NALCN: variants seen among roughly 807,000 people sequenced by gnomAD.
The protein encoded by NALCN is sodium leak channel NALCN.
In NALCN, 111 loss-of-function variants were observed where a neutral mutation model predicts 225.3. That is an observed-to-expected ratio of 0.49 (90% CI 0.42 to 0.58). The LOEUF is 0.58. Ranked by LOEUF, NALCN falls within the 20% of genes least tolerant of loss-of-function variation. The pLI is 0.00. For missense variants in NALCN, 1,378 were observed against 2,202.4 expected (o/e 0.63, Z 7.49); for synonymous variants, 764 against 769.0 (o/e 0.99, Z 0.11).
At chr13:101,241,303 ATCT>A (rs1329896191) in intron 11 of NALCN, among the ~76,000 whole-genome samples, 1 of 152,224 alleles carries the variant, frequency 6.6e-6, no homozygotes, top group African/African-American at 2.4e-5. Context: ...AACCTGGGTC[ATCT>A]TAGAAATTTG....
At chr13:101,319,336 T>C (rs2044665357) in intron 7 of NALCN, among the ~76,000 whole-genome samples, 1 of 152,192 alleles carries the variant, frequency 6.6e-6, no homozygotes, top group South Asian at 2.1e-4. Flanking sequence ...TTTGATGTTC[T>C]TGCTTCATCC....
intron 18 of NALCN, among the ~76,000 whole-genome samples, chr13:101,124,004 A>G (rs965009640): frequency 5.3e-5 from 8 of 152,216 alleles, no homozygotes; most frequent in African/African-American, 1.9e-4. Flanking sequence ...ATATGTACCA[A>G]TAAATGATAT....
chr13:101,152,851 G>A (rs1189645746), intron 15 of NALCN, among the ~76,000 whole-genome samples: 1 of 152,006 alleles, frequency 6.6e-6, no homozygotes, highest in African/African-American at 2.4e-5. Context: ...TATGCTCAGT[G>A]TGATAAAAAA....
intron 10 of NALCN, among the ~76,000 whole-genome samples, chr13:101,268,966 T>G (rs2042684390): frequency 6.6e-6 from 1 of 152,132 alleles, no homozygotes; most frequent in Admixed American, 6.5e-5. Context: ...AATGATGACA[T>G]GTACAAAAAC....
At chr13:101,223,623 A>T (rs1195342192) in intron 13 of NALCN, among the ~76,000 whole-genome samples, 6 of 152,174 alleles carry the variant, frequency 3.9e-5, no homozygotes, top group Non-Finnish European at 7.3e-5. Flanking sequence ...CAATCTTCAG[A>T]AAAGGTTGAA....
At chr13:101,248,625 T>C (rs2041971523) in intron 11 of NALCN, among the ~76,000 whole-genome samples, 1 of 152,106 alleles carries the variant, frequency 6.6e-6, no homozygotes, top group South Asian at 2.1e-4. Context: ...CAGGTGAGCT[T>C]CCCTGGTTCT....
In NALCN at chr13:101,160,190, G is replaced by A. The variant is rs547340757; in HGVS notation, c.1840-15294C>T. ...AGGATGGTCTCGATCTCCTGACCTT[G>A]TGATCTGCCCGCCTTGGCCTCCCAA... On this transcript the variant is annotated intron_variant, in intron 15 of 43. Coordinates refer to ENST00000251127, the MANE Select transcript of NALCN (RefSeq NM_052867.4). 5.9e-5 allele frequency among the ~76,000 whole-genome samples: 9 copies of A among 152,234 alleles called. No homozygotes were observed. In the East Asian group the frequency reaches 1.5e-3, roughly 26 times the overall value.
At chr13:101,390,859 A>G (rs981773271) in intron 3 of NALCN, among the ~76,000 whole-genome samples, 3 of 149,234 alleles carry the variant, frequency 2.0e-5, no homozygotes, top group African/African-American at 7.4e-5. Context: ...AAAGAAACTA[A>G]TAAATGCACT....
chr13:101,159,578 G>A (rs549070190), intron 15 of NALCN, among the ~76,000 whole-genome samples: 63 of 152,248 alleles, frequency 4.1e-4, no homozygotes, highest in African/African-American at 1.4e-3. Context: ...AGAGACACTG[G>A]ACATAAACAA....
At chr13:101,110,578 T>C (rs771035945) in intron 20 of NALCN, 41 bp downstream of exon 20, 2 of 1,594,496 alleles carry the variant, frequency 1.3e-6, no homozygotes, top group South Asian at 1.1e-5. Context: ...TACATTTTCA[T>C]AATCACGTTT....
rs548722764 is a variant in NALCN at position 101,286,858 on chromosome 13, G to T, written c.1048-2839C>A. On this transcript the variant is annotated intron_variant, in intron 9 of 43. Transcript: ENST00000251127. ...TAACATTTTACAGTTAACATTCCAG[G>T]TATTATACACACACACACACACACA... Among the ~76,000 whole-genome samples the T allele has an allele frequency of 1.7e-3, 209 of 122,294 alleles. 2 individuals carry two copies. The highest frequency in any genetic ancestry group is 5.1e-3 in the African/African-American group (176 of 34,752). The allele number at this position is 122,294 out of a possible 152,430, so 80.2% of individuals were successfully genotyped here.
intron 10 of NALCN, among the ~76,000 whole-genome samples, chr13:101,273,579 C>G (rs2042870466): frequency 6.6e-6 from 1 of 152,082 alleles, no homozygotes; most frequent in Middle Eastern, 3.4e-3. Flanking sequence ...TAGAAAGAAA[C>G]AATATACCCT....
chr13:101,387,427 T>C (rs1447540902), intron 3 of NALCN, among the ~76,000 whole-genome samples: 2 of 152,148 alleles, frequency 1.3e-5, no homozygotes, highest in African/African-American at 4.8e-5. Flanking sequence ...TTTGCACAAC[T>C]CTGTTCCAAA....
At chr13:101,300,131 T>C (rs1189089181) in intron 7 of NALCN, among the ~76,000 whole-genome samples, 1 of 151,710 alleles carries the variant, frequency 6.6e-6, no homozygotes, top group African/African-American at 2.4e-5. Context: ...TGAAATAAGA[T>C]CATGTGGATC....
chr13:101,340,385 G>A (rs1366068780), intron 7 of NALCN, among the ~76,000 whole-genome samples: 3 of 152,172 alleles, frequency 2.0e-5, no homozygotes, highest in Middle Eastern at 3.2e-3. Flanking sequence ...ATCAGATGCA[G>A]TGTGTGAGTG....
At chr13:101,415,684 C>T (rs1469047969) in intron 1 of NALCN, among the ~76,000 whole-genome samples, 1 of 152,190 alleles carries the variant, frequency 6.6e-6, no homozygotes, top group Non-Finnish European at 1.5e-5. Flanking sequence ...ACCCTAATGA[C>T]GGCTGCTTAA....
chr13:101,406,433 T>C (rs1466117747), intron 1 of NALCN, among the ~76,000 whole-genome samples: 29 of 152,230 alleles, frequency 1.9e-4, no homozygotes, highest in Admixed American at 1.9e-3. Context: ...ACAATGTGCC[T>C]GACAGAACTA....
At chr13:101,233,620 G>A (rs2041438686) in intron 12 of NALCN, among the ~76,000 whole-genome samples, 1 of 152,128 alleles carries the variant, frequency 6.6e-6, no homozygotes, top group African/African-American at 2.4e-5. Flanking sequence ...GATTACAGGT[G>A]TGAGCCACTG....
At chr13:101,386,011 T>C (rs1314921342) in intron 3 of NALCN, among the ~76,000 whole-genome samples, 4 of 152,154 alleles carry the variant, frequency 2.6e-5, no homozygotes, top group African/African-American at 4.8e-5. Flanking sequence ...TTCAATAAAA[T>C]ATGGTGGATG....
Sources: allele counts gnomAD v4.1 joint callset (sites outside exome capture counted in the v4.1 genomes callset), GRCh38; gene constraint gnomAD v4.1.1; transcripts MANE v1.5; gene names NCBI Gene and HGNC (gene_info 2026-07-23, HGNC 2026-07-21).